IPO5: variants seen among roughly 807,000 people sequenced by gnomAD.
IPO5 encodes importin-5.
A neutral mutation model predicts 143.3 loss-of-function variants in IPO5; 18 were observed. The observed-to-expected ratio is 0.13, with a 90% CI of 0.09 to 0.19. IPO5 has a LOEUF of 0.19. IPO5 is among the 10% of genes least tolerant of loss of function. The pLI is 1.00. For missense variants in IPO5, 1,013 were observed against 1,336.9 expected, an observed-to-expected ratio of 0.76 and a Z score of 3.78; for synonymous variants, 477 against 465.7, an observed-to-expected ratio of 1.02 and a Z score of -0.31.
chr13:97,976,820 TGGC>T, intron 4 of IPO5, 34 bp downstream of exon 4: 1 of 1,001,522 alleles, frequency 1.0e-6, no homozygotes, highest in Non-Finnish European at 1.4e-6. Flanking sequence ...CTTCGCGCCC[TGGC>T]CGGCGCGCCG....
intron 12 of IPO5, among the ~76,000 whole-genome samples, chr13:97,999,839 A>G (rs115221470): frequency 2.7e-4 from 41 of 152,264 alleles, no homozygotes; most frequent in African/African-American, 8.9e-4. Flanking sequence ...TCAGTTTTCT[A>G]TGTTCTGTTC....
intron 2 of IPO5, among the ~76,000 whole-genome samples, chr13:97,959,539 C>T (rs901270439): frequency 1.2e-4 from 18 of 152,022 alleles, no homozygotes; most frequent in African/African-American, 4.3e-4. Context: ...ACCAGCCTGG[C>T]CAACATGGTG....
intron 4 of IPO5, among the ~76,000 whole-genome samples, chr13:97,981,010 T>G (rs1886796030): frequency 1.3e-5 from 2 of 152,166 alleles, no homozygotes; most frequent in South Asian, 4.1e-4. Context: ...AAATATTAAG[T>G]GAAAAGTCTC....
At position 98,015,512 on chromosome 13, in the gene IPO5, T is replaced by C. The variant is rs368735526; in HGVS notation, c.2326-18T>C. 64 of 1,461,554 alleles carry C rather than the reference T, an allele frequency of 4.4e-5. No individual in the cohort carries two copies. The highest frequency in any genetic ancestry group is 6.1e-5 in the Non-Finnish European group (64 of 1,056,836). 90.5% of individuals were successfully genotyped at this position (1,461,554 alleles called of 1,614,324 possible). A position where few individuals can be genotyped will look rare whatever the true frequency, so the allele number is the denominator to read the frequency against. On this transcript the variant is annotated intron_variant, in intron 22 of 28. Coordinates refer to ENST00000651721, the MANE Select transcript of IPO5 (RefSeq NM_002271.6). ...ACCCCAAATCTTATGGATTGCTTTC[T>C]TTCCTCAACCTCATTAGTGCATTGA...
chr13:97,956,273 A>G (rs921822122), intron 2 of IPO5, among the ~76,000 whole-genome samples: 2 of 152,236 alleles, frequency 1.3e-5, no homozygotes, highest in African/African-American at 4.8e-5. Flanking sequence ...CATTGGTTAC[A>G]TTTGAGAATT....
chr13:97,981,617 C>T (rs1435562983), intron 4 of IPO5, among the ~76,000 whole-genome samples: 3 of 152,232 alleles, frequency 2.0e-5, no homozygotes, highest in Non-Finnish European at 4.4e-5. Context: ...TTAGACTCAA[C>T]TCTAAATTGC....
intron 6 of IPO5, 23 bp downstream of exon 6, chr13:97,985,636 G>A: frequency 6.5e-7 from 1 of 1,548,706 alleles, no homozygotes; most frequent in Non-Finnish European, 8.9e-7. Context: ...GTGCACTCAT[G>A]TTACCAAGAA....
chr13:97,982,614 T>G (rs1886948146), intron 5 of IPO5, 31 bp downstream of exon 5: 4 of 1,319,046 alleles, frequency 3.0e-6, no homozygotes, highest in Non-Finnish European at 3.3e-6. Context: ...ACTATTACAT[T>G]CTTAGAAAAT....
At chr13:97,986,393 T>C (rs902836581) in intron 6 of IPO5, among the ~76,000 whole-genome samples, 6 of 152,096 alleles carry the variant, frequency 3.9e-5, no homozygotes, top group Non-Finnish European at 5.9e-5. Context: ...TTCGCTCTTA[T>C]TGCCTAGGCT....
intron 2 of IPO5, chr13:97,960,522 C>T (rs1884778950): frequency 6.7e-6 from 1 of 150,034 alleles, no homozygotes; most frequent in Admixed American, 6.7e-5. Context: ...CATTCATACA[C>T]CATAAAGTCC....
intron 13 of IPO5, 126 bp downstream of exon 13, chr13:98,000,771 C>T: frequency 1.6e-6 from 1 of 644,300 alleles, no homozygotes; most frequent in Non-Finnish European, 2.7e-6. Context: ...TAACCCAATT[C>T]ATTTATTTTA....
At chr13:97,998,222 G>A (rs61970444) in intron 12 of IPO5, among the ~76,000 whole-genome samples, 52,132 of 152,126 alleles carry the variant, frequency 0.34, 10,777 homozygotes, top group Non-Finnish European at 0.47. Flanking sequence ...TGATCCGCCC[G>A]CCTCGGCCTC....
intron 3 of IPO5, among the ~76,000 whole-genome samples, chr13:97,971,762 A>C (rs965946725): frequency 6.6e-6 from 1 of 152,190 alleles, no homozygotes; most frequent in Non-Finnish European, 1.5e-5. Context: ...TGTCCTGGGC[A>C]ATATAGCAAG....
At chr13:98,008,170 A>G (rs753212648) in intron 18 of IPO5, 28 bp downstream of exon 18, 1 of 1,331,592 alleles carries the variant, frequency 7.5e-7, no homozygotes, top group South Asian at 1.2e-5. Flanking sequence ...ATTTGCTTTG[A>G]TCCGCTAATG....
rs146878360 is a variant in IPO5 at position 97,953,678 on chromosome 13, C to T, written c.-231C>T. 61 of 234,880 alleles carry T rather than the reference C, an allele frequency of 2.6e-4. No individual in the cohort carries two copies. Among genetic ancestry groups the T allele is most frequent in the African/African-American group, 1.2e-3 (52 of 43,250 alleles). The allele number at this position is 234,880 out of a possible 1,614,324, so 14.5% of individuals were successfully genotyped here. On this transcript the variant is annotated 5_prime_UTR_variant, in exon 1 of 29. Coordinates refer to ENST00000651721, the MANE Select transcript of IPO5 (RefSeq NM_002271.6). ...AGGTCAGAACTGTGGGATTGATGACCTCCCACAACTGGAGCAGCCGGGAAC... is the reference window on the plus strand; with the variant it reads ...AGGTCAGAACTGTGGGATTGATGACTTCCCACAACTGGAGCAGCCGGGAAC...
At chr13:97,988,033 C>T in intron 6 of IPO5, 1 of 272,916 alleles carries the variant, frequency 3.7e-6, no homozygotes, top group South Asian at 3.1e-5. Context: ...AGCTTAGCAG[C>T]ACAATTGTCA....
chr13:97,956,402 A>G lies in IPO5; in HGVS notation c.-113+2204A>G, dbSNP rs577074663. Among the ~76,000 whole-genome samples the G allele has an allele frequency of 7.9e-4, 121 of 152,292 alleles. 3 individuals are homozygous for G. The South Asian group carries it at 0.024, about 30-fold the overall frequency. On this transcript the variant is annotated intron_variant, in intron 2 of 28. Coordinates refer to ENST00000651721, the MANE Select transcript of IPO5 (RefSeq NM_002271.6). ...AAAAGTGCTTTTTTACAGAAGTCAG[A>G]AGAAAGTAGGTTGAGCATTTTTAAT...
At chr13:98,018,782 C>T in intron 26 of IPO5, 78 bp downstream of exon 26, 1 of 1,024,576 alleles carries the variant, frequency 9.8e-7, no homozygotes, top group Non-Finnish European at 1.5e-6. Context: ...TTACCACACT[C>T]CCAAACATTA....
intron 6 of IPO5, 90 bp downstream of exon 6, chr13:97,985,703 A>T (rs1056204887): frequency 1.2e-6 from 1 of 851,276 alleles, no homozygotes. Flanking sequence ...AGTAAGATTC[A>T]TAAGTACCTG....
Sources: allele counts gnomAD v4.1 joint callset (sites outside exome capture counted in the v4.1 genomes callset), GRCh38; gene constraint gnomAD v4.1.1; transcripts MANE v1.5; gene names NCBI Gene and HGNC (gene_info 2026-07-23, HGNC 2026-07-21).